Variants in MEIKIN observed in about 807,000 individuals in gnomAD.
The protein encoded by MEIKIN is meiotic kinetochore factor.
intron 8 of MEIKIN, among the ~76,000 whole-genome samples, chr5:131,884,916 C>T (rs1414183545): frequency 6.6e-6 from 1 of 151,858 alleles, no homozygotes; most frequent in Non-Finnish European, 1.5e-5. Context: ...CCTGTGGTGG[C>T]CGTGGCCGCA....
At chr5:131,868,816 G>A (rs6596043) in intron 9 of MEIKIN, among the ~76,000 whole-genome samples, 20,582 of 151,962 alleles carry the variant, frequency 0.14, 3,572 homozygotes, top group African/African-American at 0.41. Context: ...TTACAGGCAT[G>A]AGCCACTGTG....
Position 131,933,303 on chromosome 5 carries a change from T to C in MEIKIN, c.478+210A>G, listed in dbSNP as rs897097709. ...TATTACATATAAATGCTAAATGACATTTCTTCATCCTTCCTTGATCTGAGG... is the reference window on the plus strand; with the variant it reads ...TATTACATATAAATGCTAAATGACACTTCTTCATCCTTCCTTGATCTGAGG... On this transcript the variant is annotated intron_variant, in intron 5 of 12. Coordinates refer to ENST00000442687, the MANE Select transcript of MEIKIN (RefSeq NM_001303622.2). 3.9e-5 allele frequency among the ~76,000 whole-genome samples: 6 copies of C among 152,202 alleles called. 1 individual carries two copies. Among genetic ancestry groups the C allele is most frequent in the African/African-American group, 1.4e-4 (6 of 41,462 alleles).
chr5:131,908,260 C>T lies in MEIKIN; in HGVS notation c.703+3555G>A, dbSNP rs143658536. On this transcript the variant is annotated intron_variant, in intron 8 of 12. Coordinates refer to ENST00000442687, the MANE Select transcript of MEIKIN (RefSeq NM_001303622.2). ...GACCAAGTGAGATTTACCCCAGGGA[C>T]GCAAGGATGGTTCAACCTATGCAAA... 3.3e-3 allele frequency among the ~76,000 whole-genome samples: 503 copies of T among 152,086 alleles called. 3 individuals are homozygous for T. The highest frequency in any genetic ancestry group is 0.011 in the African/African-American group (463 of 41,502).
chr5:131,903,463 C>A (rs1172237220), intron 8 of MEIKIN, among the ~76,000 whole-genome samples: 3 of 152,174 alleles, frequency 2.0e-5, no homozygotes, highest in Non-Finnish European at 2.9e-5. Flanking sequence ...TCAGCAGAAA[C>A]CCCATAAGCC....
intron 12 of MEIKIN, among the ~76,000 whole-genome samples, chr5:131,811,858 T>G (rs1307020235): frequency 6.6e-6 from 1 of 152,202 alleles, no homozygotes; most frequent in Non-Finnish European, 1.5e-5. Context: ...CCTCCCAAAG[T>G]GCTCGGATTA....
intron 11 of MEIKIN, among the ~76,000 whole-genome samples, chr5:131,826,087 T>G (rs1166613182): frequency 1.8e-4 from 3 of 16,472 alleles, no homozygotes; most frequent in African/African-American, 3.2e-4. Flanking sequence ...TCTTGTTTTC[T>G]TTTTTTTTTT....
chr5:131,939,425 C>T (rs571115215), intron 4 of MEIKIN, among the ~76,000 whole-genome samples: 1 of 151,738 alleles, frequency 6.6e-6, no homozygotes, highest in South Asian at 2.1e-4. Flanking sequence ...ATCTACCTTC[C>T]ACATTCCAAA....
intron 8 of MEIKIN, among the ~76,000 whole-genome samples, chr5:131,895,547 T>A (rs952905943): frequency 3.3e-5 from 5 of 152,220 alleles, no homozygotes; most frequent in African/African-American, 1.2e-4. Context: ...AGGATATTAA[T>A]AATTGCCTCA....
chr5:131,901,311 G>C (rs1751152963), intron 8 of MEIKIN, among the ~76,000 whole-genome samples: 1 of 152,030 alleles, frequency 6.6e-6, no homozygotes, highest in South Asian at 2.1e-4. Context: ...ATGGATACCT[G>C]TACAGATGGC....
chr5:131,901,133 C>CT (rs992431782), intron 8 of MEIKIN, among the ~76,000 whole-genome samples: 2 of 152,112 alleles, frequency 1.3e-5, no homozygotes, highest in Non-Finnish European at 2.9e-5. Flanking sequence ...ACCAACAGAC[C>CT]TACCCCACAC....
At chr5:131,922,138 C>T (rs1368367604) in intron 5 of MEIKIN, among the ~76,000 whole-genome samples, 197 bp from the exon 6 acceptor site, 1 of 152,150 alleles carries the variant, frequency 6.6e-6, no homozygotes, top group African/African-American at 2.4e-5. Context: ...GGTTCTCTTA[C>T]CCTGCCTTCC....
intron 5 of MEIKIN, among the ~76,000 whole-genome samples, chr5:131,927,266 T>C (rs1034282712): frequency 1.3e-5 from 2 of 152,218 alleles, no homozygotes; most frequent in African/African-American, 2.4e-5. Flanking sequence ...TTCCACATAT[T>C]TGTGAATTTT....
intron 9 of MEIKIN, among the ~76,000 whole-genome samples, chr5:131,872,410 G>A (rs1326796017): frequency 6.6e-6 from 1 of 152,136 alleles, no homozygotes; most frequent in Non-Finnish European, 1.5e-5. Context: ...GATGGAAGAC[G>A]AAATGAATGA....
At chr5:131,895,595 C>T (rs1345331609) in intron 8 of MEIKIN, among the ~76,000 whole-genome samples, 4 of 152,192 alleles carry the variant, frequency 2.6e-5, no homozygotes, top group Admixed American at 6.5e-5. Flanking sequence ...AGAGAGTCAA[C>T]TTCTTCCTGG....
At chr5:131,895,702 G>A (rs1007866790) in intron 8 of MEIKIN, among the ~76,000 whole-genome samples, 1 of 152,098 alleles carries the variant, frequency 6.6e-6, no homozygotes, top group Non-Finnish European at 1.5e-5. Flanking sequence ...TTTTCTGATA[G>A]TAGTTTGTAT....
intron 8 of MEIKIN, among the ~76,000 whole-genome samples, chr5:131,883,613 G>A (rs978771023): frequency 2.0e-5 from 3 of 152,060 alleles, no homozygotes; most frequent in Admixed American, 6.6e-5. Context: ...CAAGATGGCC[G>A]AACAGAAGAC....
In MEIKIN at chr5:131,838,400, A is replaced by AT. The variant is rs578129501; in HGVS notation, c.975+12863dup. ...GTTAGAGGGGAGTCCCTCATTTTCA[A>AT]TTTTTTTTAATAGTTTAAATAGAAA... On this transcript the variant is annotated intron_variant, in intron 11 of 12. Transcript: ENST00000442687. Among the ~76,000 whole-genome samples the AT allele has an allele frequency of 2.7e-3, 407 of 151,912 alleles. 1 individual carries two copies. Among genetic ancestry groups the AT allele is most frequent in the Non-Finnish European group, 4.8e-3 (324 of 67,886 alleles).
At chr5:131,941,448 C>G (rs766118125) in intron 4 of MEIKIN, among the ~76,000 whole-genome samples, 1 of 126,216 alleles carries the variant, frequency 7.9e-6, no homozygotes, top group Admixed American at 7.5e-5. Context: ...CGTGAGCCAC[C>G]GTGCCTGGCC....
chr5:131,844,093 G>A (rs61431748), intron 11 of MEIKIN, among the ~76,000 whole-genome samples: 4,016 of 152,142 alleles, frequency 0.026, 180 homozygotes, highest in African/African-American at 0.091. Flanking sequence ...AAAGGGAGAA[G>A]TGCCACACAC....
Sources: allele counts gnomAD v4.1 joint callset (sites outside exome capture counted in the v4.1 genomes callset), GRCh38; gene constraint gnomAD v4.1.1; transcripts MANE v1.5; gene names NCBI Gene and HGNC (gene_info 2026-07-23, HGNC 2026-07-21).